ANXA11: variants seen among roughly 807,000 people sequenced by gnomAD.
ANXA11 encodes the protein 56 kDa autoantigen.
A neutral mutation model predicts 64.7 loss-of-function variants in ANXA11; 57 were observed. The ratio of observed to expected loss-of-function variants is 0.88; its 90% CI spans 0.71 to 1.10. The LOEUF (loss-of-function observed/expected upper bound fraction) is 1.10. Ranked by LOEUF, ANXA11 falls within the 50% of genes least tolerant of loss-of-function variation. ANXA11 has a pLI of 0.00. For missense variants in ANXA11, 675 were observed against 670.7 expected (o/e 1.01, Z -0.07); for synonymous variants, 260 against 265.2 (o/e 0.98, Z 0.19).
intron 7 of ANXA11, chr10:80,166,447 A>C: frequency 2.0e-6 from 1 of 491,114 alleles, no homozygotes; most frequent in Non-Finnish European, 3.7e-6. Context: ...CTAGAACACG[A>C]ATCTAATCAA....
intron 1 of ANXA11, among the ~76,000 whole-genome samples, chr10:80,180,102 T>C (rs1846304424): frequency 6.6e-6 from 1 of 152,184 alleles, no homozygotes; most frequent in Non-Finnish European, 1.5e-5. Flanking sequence ...AGTGTACCAT[T>C]CAACTCCACA....
intron 5 of ANXA11, among the ~76,000 whole-genome samples, chr10:80,168,433 C>T (rs1250984280): frequency 2.0e-5 from 3 of 152,330 alleles, no homozygotes; most frequent in Middle Eastern, 3.4e-3. Context: ...CGTCTCATCA[C>T]ACCAGGAGAA....
chr10:80,158,317 CAG>C (rs886530397), intron 13 of ANXA11, among the ~76,000 whole-genome samples: 1 of 152,124 alleles, frequency 6.6e-6, no homozygotes, highest in African/African-American at 2.4e-5. Flanking sequence ...AGGAGCTACA[CAG>C]GGAAGCAATG....
intron 2 of ANXA11, among the ~76,000 whole-genome samples, chr10:80,173,248 C>G (rs75576522): frequency 0.012 from 1,799 of 152,362 alleles, 39 homozygotes; most frequent in African/African-American, 0.041. Flanking sequence ...CGCACTGCCT[C>G]ATTCTCAGGA....
intron 1 of ANXA11, chr10:80,195,801 C>A (rs751102746): frequency 2.0e-4 from 31 of 157,928 alleles, no homozygotes; most frequent in Admixed American, 3.2e-4. Flanking sequence ...TGGCAGCAGA[C>A]AAGAGAAGAG....
chr10:80,169,486 T>A, intron 4 of ANXA11, 128 bp from the exon 5 acceptor site: 1 of 1,112,438 alleles, frequency 9.0e-7, no homozygotes, highest in Non-Finnish European at 1.3e-6. Flanking sequence ...AGTACCGTTA[T>A]ACCCATTTCA....
intron 2 of ANXA11, among the ~76,000 whole-genome samples, chr10:80,175,375 C>G (rs1034629451): frequency 2.0e-5 from 3 of 152,042 alleles, no homozygotes; most frequent in African/African-American, 7.2e-5. Context: ...CCTTTGAGCA[C>G]CAAAGACACT....
At chr10:80,181,742 C>T (rs181343272) in intron 1 of ANXA11, among the ~76,000 whole-genome samples, 177 of 152,288 alleles carry the variant, frequency 1.2e-3, no homozygotes, top group Non-Finnish European at 2.0e-3. Context: ...TAAGATACTA[C>T]TATACACCTA....
At chr10:80,198,750 T>TGAGAGA (rs56344170) in intron 1 of ANXA11, among the ~76,000 whole-genome samples, 14 of 147,666 alleles carry the variant, frequency 9.5e-5, no homozygotes, top group South Asian at 4.3e-4. Context: ...AGAGAGTGAG[T>TGAGAGA]GAGAGAGAGA....
At chr10:80,189,022 T>C (rs964761667) in intron 1 of ANXA11, among the ~76,000 whole-genome samples, 1 of 152,114 alleles carries the variant, frequency 6.6e-6, no homozygotes, top group Admixed American at 6.5e-5. Context: ...CTTCTCTGAT[T>C]AGGTCCCTCA....
chr10:80,192,150 C>T (rs571182935), intron 1 of ANXA11, among the ~76,000 whole-genome samples: 56 of 152,276 alleles, frequency 3.7e-4, no homozygotes, highest in Non-Finnish European at 5.4e-4. Context: ...TGCTTCCTGC[C>T]CGAGGCAACA....
Position 80,155,704 on chromosome 10 carries a change from C to CG in ANXA11, c.*148dup. The stretch of plus-strand genomic sequence containing the variant: ...GACCCAGGTCCTGTGGCACACTATA[C>CG]GGGTCAGGAGGGGTGGAAGACAGGC... On this transcript the variant is annotated 3_prime_UTR_variant, in exon 16 of 16. Coordinates refer to ENST00000422982, the MANE Select transcript of ANXA11 (RefSeq NM_145868.2). 1 of 793,520 alleles carries CG rather than the reference C, an allele frequency of 1.3e-6. No homozygotes were observed. Among genetic ancestry groups the CG allele is most frequent in the Non-Finnish European group, 2.1e-6 (1 of 467,872 alleles). The allele number at this position is 793,520 out of a possible 1,614,324, so 49.2% of individuals were successfully genotyped here.
rs150190562 is a variant in ANXA11 at position 80,198,824 on chromosome 10, G to A, written c.-58+6519C>T. The stretch of plus-strand genomic sequence containing the variant: ...AAACCTGAAACGTAATACAGGTGGC[G>A]TGGGGAAGATGACGATGAGAAACTT... On this transcript the variant is annotated intron_variant, in intron 1 of 15. Transcript: ENST00000422982. Among the ~76,000 whole-genome samples, 25 of 152,310 alleles carry A rather than the reference G, an allele frequency of 1.6e-4. No homozygotes were observed. The East Asian group carries it at 3.9e-3, about 23-fold the overall frequency.
At chr10:80,161,851 C>A (rs1845521169) in intron 12 of ANXA11, 84 bp downstream of exon 12, 3 of 1,231,182 alleles carry the variant, frequency 2.4e-6, no homozygotes, top group Admixed American at 3.5e-5. Flanking sequence ...GAGGAACGAC[C>A]AAGTGTTCCC....
intron 8 of ANXA11, among the ~76,000 whole-genome samples, chr10:80,165,652 C>T (rs2132395221): frequency 6.6e-6 from 1 of 152,250 alleles, no homozygotes; most frequent in Non-Finnish European, 1.5e-5. Flanking sequence ...CCCTCTTTAC[C>T]CACATGACTG....
intron 1 of ANXA11, among the ~76,000 whole-genome samples, chr10:80,192,081 A>G (rs1410067231): frequency 6.6e-6 from 1 of 152,186 alleles, no homozygotes; most frequent in Non-Finnish European, 1.5e-5. Flanking sequence ...CCAGTTCTCT[A>G]GGATGATTCT....
chr10:80,196,629 G>A (rs139060829), intron 1 of ANXA11, among the ~76,000 whole-genome samples: 1 of 152,256 alleles, frequency 6.6e-6, no homozygotes, highest in African/African-American at 2.4e-5. Context: ...GTGCACTCCA[G>A]AGCCCCAATG....
At chr10:80,157,942 C>T in intron 14 of ANXA11, 25 bp downstream of exon 14, 1 of 1,612,114 alleles carries the variant, frequency 6.2e-7, no homozygotes, top group South Asian at 1.1e-5. Flanking sequence ...GGTTCCATCG[C>T]AACCTGCACA....
At chr10:80,158,614 G>A (rs1399340248) in intron 13 of ANXA11, among the ~76,000 whole-genome samples, 1 of 152,204 alleles carries the variant, frequency 6.6e-6, no homozygotes, top group Non-Finnish European at 1.5e-5. Flanking sequence ...TCTGCACAGT[G>A]GGAGGGCCCT....
Sources: allele counts gnomAD v4.1 joint callset (sites outside exome capture counted in the v4.1 genomes callset), GRCh38; gene constraint gnomAD v4.1.1; transcripts MANE v1.5; gene names NCBI Gene and HGNC (gene_info 2026-07-23, HGNC 2026-07-21).